Variants in RBFOX1 observed in about 807,000 individuals in gnomAD.
RBFOX1 encodes RNA binding protein fox-1 homolog 1.
In RBFOX1, 8 loss-of-function variants were observed where a neutral mutation model predicts 57.7. The ratio of observed to expected loss-of-function variants is 0.14; its 90% CI spans 0.08 to 0.25. The LOEUF (loss-of-function observed/expected upper bound fraction) is 0.25, where lower values mean the gene tolerates loss of function less well. Among genes scored for constraint, RBFOX1 ranks in the 10% least tolerant of loss-of-function variants. The pLI, the probability that RBFOX1 is intolerant of heterozygous loss-of-function variation, is 1.00. For missense variants in RBFOX1, 611 were observed against 548.5 expected (o/e 1.11, Z -1.14); for synonymous variants, 326 against 222.4 (o/e 1.47, Z -4.15).
chr16:6,900,614 G>A (rs1019199053), intron 3 of RBFOX1, among the ~76,000 whole-genome samples: 12 of 152,146 alleles, frequency 7.9e-5, no homozygotes, highest in African/African-American at 7.2e-5. Context: ...GAGTGTCACA[G>A]CAGATGCTAT....
At chr16:7,412,528 T>G (rs1413143017) in intron 4 of RBFOX1, among the ~76,000 whole-genome samples, 9 of 152,168 alleles carry the variant, frequency 5.9e-5, no homozygotes, top group Non-Finnish European at 1.3e-4. Flanking sequence ...AAATTTTATT[T>G]TTAAAAAGGG....
chr16:7,408,413 C>T (rs979353590), intron 4 of RBFOX1, among the ~76,000 whole-genome samples: 1 of 152,140 alleles, frequency 6.6e-6, no homozygotes, highest in Non-Finnish European at 1.5e-5. Flanking sequence ...ACTGTCACTG[C>T]ACAGAGATGA....
intron 4 of RBFOX1, among the ~76,000 whole-genome samples, chr16:7,260,038 C>A (rs1175612250): frequency 6.6e-6 from 1 of 152,132 alleles, no homozygotes; most frequent in Non-Finnish European, 1.5e-5. Flanking sequence ...TGTTTATAAG[C>A]TCCATAAGAA....
intron 3 of RBFOX1, among the ~76,000 whole-genome samples, chr16:6,840,905 C>A (rs9928886): frequency 0.46 from 62,704 of 136,514 alleles, 16,015 homozygotes; most frequent in East Asian, 0.86. Flanking sequence ...AAAAAAAAAA[C>A]GAAAAAAGGT....
chr16:6,800,656 C>T (rs1027736309), intron 3 of RBFOX1, among the ~76,000 whole-genome samples: 1 of 152,030 alleles, frequency 6.6e-6, no homozygotes, highest in Admixed American at 6.6e-5. Context: ...TTTTCTCTCC[C>T]TAAAATTTTT....
chr16:5,725,708 G>A (rs939304470), intron 3 of RBFOX1, among the ~76,000 whole-genome samples: 1 of 151,826 alleles, frequency 6.6e-6, no homozygotes, highest in African/African-American at 2.4e-5. Flanking sequence ...TGGCATGGGG[G>A]AAATCCACTG....
chr16:5,957,111 T>G (rs137921696), intron 4 of RBFOX1, among the ~76,000 whole-genome samples: 5 of 152,368 alleles, frequency 3.3e-5, no homozygotes, highest in Non-Finnish European at 7.3e-5. Flanking sequence ...AGCCACTTAT[T>G]AAATGTTTAC....
chr16:7,181,537 T>G (rs562329668), intron 4 of RBFOX1, among the ~76,000 whole-genome samples: 2 of 142,858 alleles, frequency 1.4e-5, no homozygotes, highest in Admixed American at 6.7e-5. Flanking sequence ...TCCCTTGCTC[T>G]CTCTCTCTTT....
chr16:7,099,845 G>C (rs2062368954), intron 4 of RBFOX1, among the ~76,000 whole-genome samples: 1 of 152,128 alleles, frequency 6.6e-6, no homozygotes. Flanking sequence ...GGAGACCTAG[G>C]TTTTATCGTG....
chr16:5,357,242 A>G (rs1267903549), intron 1 of RBFOX1, among the ~76,000 whole-genome samples: 1 of 152,226 alleles, frequency 6.6e-6, no homozygotes, highest in Admixed American at 6.5e-5. Flanking sequence ...CTACTGGGGC[A>G]TTCTCCTTGG....
chr16:7,448,432 G>T (rs906301991), intron 4 of RBFOX1, among the ~76,000 whole-genome samples: 3 of 152,162 alleles, frequency 2.0e-5, no homozygotes, highest in African/African-American at 7.2e-5. Flanking sequence ...GCAAAGACAC[G>T]TTTTACATGG....
intron 4 of RBFOX1, among the ~76,000 whole-genome samples, chr16:7,490,060 C>A (rs891079756): frequency 6.6e-6 from 1 of 152,166 alleles, no homozygotes; most frequent in Non-Finnish European, 1.5e-5. Flanking sequence ...ATTGCTCCCC[C>A]TTTAAATCTG....
At chr16:6,872,306 C>T (rs12919267) in intron 3 of RBFOX1, among the ~76,000 whole-genome samples, 10,447 of 152,240 alleles carry the variant, frequency 0.069, 422 homozygotes, top group South Asian at 0.16. Flanking sequence ...TGCTTCTCTG[C>T]AGTCTGTCTC....
At chr16:5,415,205 G>T (rs913271687) in intron 1 of RBFOX1, among the ~76,000 whole-genome samples, 2 of 152,110 alleles carry the variant, frequency 1.3e-5, no homozygotes, top group Non-Finnish European at 2.9e-5. Context: ...TATGTGGCTG[G>T]GGAGACCTCA....
At chr16:7,386,434 G>T (rs542821766) in intron 4 of RBFOX1, among the ~76,000 whole-genome samples, 8 of 141,458 alleles carry the variant, frequency 5.7e-5, no homozygotes, top group African/African-American at 2.1e-4. Context: ...CTGTGTCCAT[G>T]TATTCTCATT....
chr16:7,154,549 A>G (rs2076709209), intron 4 of RBFOX1, among the ~76,000 whole-genome samples: 1 of 152,200 alleles, frequency 6.6e-6, no homozygotes, highest in Non-Finnish European at 1.5e-5. Flanking sequence ...GTTGTTAGAT[A>G]GTCTTCCTCT....
chr16:6,848,174 C>T (rs910506113), intron 3 of RBFOX1, among the ~76,000 whole-genome samples: 1 of 151,838 alleles, frequency 6.6e-6, no homozygotes. Context: ...GGAGGCTGAT[C>T]ACAGCCTCCT....
intron 4 of RBFOX1, among the ~76,000 whole-genome samples, chr16:7,477,579 C>T (rs1193219698): frequency 6.6e-6 from 1 of 152,140 alleles, no homozygotes; most frequent in Non-Finnish European, 1.5e-5. Context: ...CCGGCTGGCT[C>T]CATATGGCAT....
chr16:5,800,566 A>G (rs1387094506), intron 3 of RBFOX1, among the ~76,000 whole-genome samples: 1 of 152,136 alleles, frequency 6.6e-6, no homozygotes, highest in East Asian at 1.9e-4. Flanking sequence ...ATGACCAAGG[A>G]TGTGTGGAAT....
Sources: gnomAD v4.1 joint callset for allele counts (sites outside exome capture counted in the v4.1 genomes callset) on GRCh38, gnomAD v4.1.1 for gene constraint, MANE v1.5 for transcripts, NCBI Gene and HGNC (gene_info 2026-07-23, HGNC 2026-07-21) for gene names.